The following NPAS3 variants were observed in gnomAD, a reference collection of about 807,000 sequenced individuals.
NPAS3 encodes neuronal PAS domain protein 3.
NPAS3 carries 14 observed loss-of-function variants against 73.1 expected under a neutral mutation model. The observed-to-expected ratio is 0.19, with a 90% CI of 0.13 to 0.30. The LOEUF is 0.30. NPAS3 is among the 10% of genes least tolerant of loss of function. The probability of loss-of-function intolerance (pLI) is 1.00; values close to 1 mark genes in which losing one functional copy is unlikely to be tolerated. For synonymous variants in NPAS3, 620 were observed against 541.5 expected (o/e 1.14, Z -2.01); for missense variants, 1,096 against 1,250.0 (o/e 0.88, Z 1.86).
intron 4 of NPAS3, among the ~76,000 whole-genome samples, chr14:33,479,672 G>A (rs139191848): frequency 8.5e-5 from 13 of 152,130 alleles, no homozygotes; most frequent in South Asian, 4.2e-4. Context: ...ACTTTTCCTC[G>A]GTCAGTCTCT....
intron 5 of NPAS3, among the ~76,000 whole-genome samples, chr14:33,620,801 T>C (rs564573460): frequency 6.6e-6 from 1 of 152,302 alleles, no homozygotes; most frequent in East Asian, 1.9e-4. Context: ...TCAGCTTGAC[T>C]AATAAACAGG....
intron 3 of NPAS3, among the ~76,000 whole-genome samples, chr14:33,314,434 G>A (rs1368291411): frequency 6.6e-6 from 1 of 152,058 alleles, no homozygotes; most frequent in Non-Finnish European, 1.5e-5. Flanking sequence ...ACTGTGAAAT[G>A]AGGATAGTAG....
At chr14:33,797,758 T>C (rs146097428) in intron 11 of NPAS3, among the ~76,000 whole-genome samples, 177 bp downstream of exon 11, 6 of 152,118 alleles carry the variant, frequency 3.9e-5, no homozygotes, top group South Asian at 2.1e-4. Context: ...ATATATATAA[T>C]TGTACACCAC....
chr14:33,362,924 C>T (rs2045672109), intron 3 of NPAS3, among the ~76,000 whole-genome samples: 1 of 152,142 alleles, frequency 6.6e-6, no homozygotes, highest in African/African-American at 2.4e-5. Context: ...TTCAAGTGAT[C>T]CCTCCAATAG....
chr14:33,310,734 C>T (rs571141339), intron 3 of NPAS3, among the ~76,000 whole-genome samples: 13 of 149,482 alleles, frequency 8.7e-5, no homozygotes, highest in South Asian at 4.3e-4. Context: ...TGAAATAAGA[C>T]GGATGGTGTT....
intron 3 of NPAS3, among the ~76,000 whole-genome samples, chr14:33,223,245 G>C (rs553433782): frequency 1.7e-4 from 26 of 152,196 alleles, no homozygotes; most frequent in African/African-American, 6.0e-4. Flanking sequence ...TGGGAGGCAG[G>C]GGTTGCAATG....
At chr14:33,515,623 C>G (rs1017531391) in intron 4 of NPAS3, among the ~76,000 whole-genome samples, 1 of 152,092 alleles carries the variant, frequency 6.6e-6, no homozygotes, top group Admixed American at 6.6e-5. Flanking sequence ...TATTCACTAT[C>G]TGGTCCTTTA....
intron 1 of NPAS3, among the ~76,000 whole-genome samples, chr14:33,019,502 G>A (rs770326222): frequency 1.6e-4 from 24 of 152,000 alleles, no homozygotes; most frequent in Non-Finnish European, 2.6e-4. Context: ...ACCGGGGATG[G>A]TTTCCTTTTC....
intron 10 of NPAS3, among the ~76,000 whole-genome samples, chr14:33,796,141 T>TTTTC (rs1359230247): frequency 6.6e-6 from 1 of 152,084 alleles, no homozygotes; most frequent in Non-Finnish European, 1.5e-5. Flanking sequence ...AGAAGTTTGG[T>TTTTC]TTTCTTTCCC....
intron 9 of NPAS3, among the ~76,000 whole-genome samples, chr14:33,784,853 C>T (rs1198773162): frequency 6.8e-6 from 1 of 146,406 alleles, no homozygotes; most frequent in African/African-American, 2.5e-5. Context: ...CGAGTTCAAG[C>T]AATTCTCCTG....
At chr14:33,736,741 T>C (rs2061533052) in intron 7 of NPAS3, among the ~76,000 whole-genome samples, 1 of 152,192 alleles carries the variant, frequency 6.6e-6, no homozygotes, top group African/African-American at 2.4e-5. Context: ...GCATTCTTTC[T>C]TCACCTTTAT....
chr14:33,211,409 C>T (rs1252239891), intron 2 of NPAS3, among the ~76,000 whole-genome samples: 1 of 152,142 alleles, frequency 6.6e-6, no homozygotes, highest in Non-Finnish European at 1.5e-5. Context: ...GAAAAATTAG[C>T]TGAGCACGGT....
intron 4 of NPAS3, among the ~76,000 whole-genome samples, chr14:33,448,278 A>T (rs2049614259): frequency 1.3e-5 from 2 of 152,216 alleles, no homozygotes; most frequent in Non-Finnish European, 2.9e-5. Context: ...AGAACATATA[A>T]AGTTTTAAAA....
chr14:32,943,965 C>G (rs1214249412), intron 1 of NPAS3, among the ~76,000 whole-genome samples: 1 of 152,196 alleles, frequency 6.6e-6, no homozygotes, highest in East Asian at 1.9e-4. Context: ...GCTGGGATTA[C>G]AGGCGTGAGC....
chr14:33,555,930 A>G (rs925794109), intron 4 of NPAS3, among the ~76,000 whole-genome samples: 5 of 149,772 alleles, frequency 3.3e-5, no homozygotes, highest in Non-Finnish European at 7.4e-5. Context: ...CACTTCTGTG[A>G]TGACTAACAA....
chr14:33,494,641 T>C (rs1029886433), intron 4 of NPAS3, among the ~76,000 whole-genome samples: 2 of 152,094 alleles, frequency 1.3e-5, no homozygotes, highest in Non-Finnish European at 2.9e-5. Flanking sequence ...AGGTCAGAAA[T>C]ATATTTCTGC....
At chr14:33,138,211 C>G (rs1327180478) in intron 2 of NPAS3, among the ~76,000 whole-genome samples, 4 of 148,706 alleles carry the variant, frequency 2.7e-5, no homozygotes, top group Admixed American at 2.0e-4. Flanking sequence ...CCCCTCCCCC[C>G]ACCTCACAAC....
At chr14:33,200,648 C>A (rs2046579006) in intron 2 of NPAS3, among the ~76,000 whole-genome samples, 1 of 152,082 alleles carries the variant, frequency 6.6e-6, no homozygotes, top group Non-Finnish European at 1.5e-5. Flanking sequence ...AAATAAGATG[C>A]CAGTGCTTTC....
intron 4 of NPAS3, among the ~76,000 whole-genome samples, chr14:33,373,133 G>A (rs2046165482): frequency 1.3e-5 from 2 of 152,076 alleles, no homozygotes; most frequent in Admixed American, 6.6e-5. Flanking sequence ...TTTCCCTTAG[G>A]TGCCAGATTT....
Sources: allele counts gnomAD v4.1 joint callset (sites outside exome capture counted in the v4.1 genomes callset), GRCh38; gene constraint gnomAD v4.1.1; transcripts MANE v1.5; gene names NCBI Gene and HGNC (gene_info 2026-07-23, HGNC 2026-07-21).